TMEM132D: variants seen among roughly 807,000 people sequenced by gnomAD.
TMEM132D encodes the protein mature OL transmembrane protein.
Under a neutral mutation model 62.3 loss-of-function variants are expected in TMEM132D, and 21 were observed. That is an observed-to-expected ratio of 0.34 (90% CI 0.24 to 0.49). The LOEUF (loss-of-function observed/expected upper bound fraction) is 0.49. TMEM132D is among the 20% of genes least tolerant of loss of function. The probability of loss-of-function intolerance (pLI) is 0.99; values close to 1 mark genes in which losing one functional copy is unlikely to be tolerated. For synonymous variants in TMEM132D, 621 were observed against 575.6 expected, an observed-to-expected ratio of 1.08 and a Z score of -1.13; for missense variants, 1,346 against 1,402.8, an observed-to-expected ratio of 0.96 and a Z score of 0.65.
intron 1 of TMEM132D, among the ~76,000 whole-genome samples, chr12:129,848,402 C>T (rs913536894): frequency 8.5e-5 from 13 of 152,070 alleles, no homozygotes; most frequent in African/African-American, 1.7e-4. Context: ...AACTGTCTCC[C>T]GGTACCGGAA....
intron 3 of TMEM132D, among the ~76,000 whole-genome samples, chr12:129,399,893 G>A (rs1871567188): frequency 6.9e-6 from 1 of 144,720 alleles, no homozygotes; most frequent in African/African-American, 2.9e-5. Flanking sequence ...GTGTGTGTGT[G>A]TGGGGGGGTA....
In TMEM132D at chr12:129,213,261, G is replaced by C. The variant is rs531863518; in HGVS notation, c.1300-3598C>G. Among the ~76,000 whole-genome samples, 30 of 152,314 alleles carry C rather than the reference G, an allele frequency of 2.0e-4. No individual in the cohort carries two copies. In the South Asian group the frequency reaches 2.9e-3, roughly 15 times the overall value. ...CAATCCCAGCCCTTTGGGAGGCTGA[G>C]GCAGGTGGATCACTTGAACCCAGGA... is the stretch of plus-strand genomic sequence containing the variant. On this transcript the variant is annotated intron_variant, in intron 4 of 8. Transcript: ENST00000422113.
chr12:129,808,090 A>G (rs964955611), intron 1 of TMEM132D, among the ~76,000 whole-genome samples: 4 of 152,258 alleles, frequency 2.6e-5, no homozygotes, highest in African/African-American at 9.6e-5. Context: ...ACGGTGATTT[A>G]GATTCTAAGC....
At chr12:129,740,121 A>G (rs894845137) in intron 1 of TMEM132D, among the ~76,000 whole-genome samples, 1 of 152,076 alleles carries the variant, frequency 6.6e-6, no homozygotes, top group Non-Finnish European at 1.5e-5. Context: ...GGTAGTGACT[A>G]TTGACCACTC....
At chr12:129,734,909 C>T (rs7136543) in intron 1 of TMEM132D, among the ~76,000 whole-genome samples, 1 of 151,924 alleles carries the variant, frequency 6.6e-6, no homozygotes, top group South Asian at 2.1e-4. Context: ...AACAAAGGAA[C>T]TGGAACTATA....
intron 4 of TMEM132D, among the ~76,000 whole-genome samples, chr12:129,282,357 G>A (rs1466702170): frequency 6.6e-6 from 1 of 152,188 alleles, no homozygotes; most frequent in Non-Finnish European, 1.5e-5. Flanking sequence ...GAAGACAGCA[G>A]CTGAGCACAT....
Position 129,074,870 on chromosome 12 carries a change from C to G in TMEM132D, c.2305G>C (p.Val769Leu), listed in dbSNP as rs760598148. The G allele has an allele frequency of 6.2e-7, 1 of 1,614,046 alleles. No individual in the cohort carries two copies. Among genetic ancestry groups the G allele is most frequent in the Non-Finnish European group, 8.5e-7 (1 of 1,180,024 alleles). ...CAGGATTCACTAATAACCATTTCCA[C>G]CTTGACCAGGGTGCCTTGTCCTTCT... ...ETEGQGTLVK[V>L]EMVISESCQK... is the part of the protein sequence containing the mutation. The change falls in exon 9 of 9, where the codon GTG (valine) becomes CTG (leucine). Residue 769 changes from valine (V) to leucine (L), a missense_variant. Val to Leu is a conservative substitution (Grantham distance 32, BLOSUM62 1). Coordinates refer to ENST00000422113, the MANE Select transcript of TMEM132D (RefSeq NM_133448.3).
At chr12:129,353,114 C>T (rs1468467151) in intron 3 of TMEM132D, among the ~76,000 whole-genome samples, 3 of 151,312 alleles carry the variant, frequency 2.0e-5, no homozygotes, top group African/African-American at 7.3e-5. Flanking sequence ...TCCCTGCCTC[C>T]CTCCCTCCCT....
chr12:129,865,238 G>A (rs902223014), intron 1 of TMEM132D, among the ~76,000 whole-genome samples: 3 of 152,198 alleles, frequency 2.0e-5, no homozygotes, highest in African/African-American at 7.2e-5. Context: ...GCAGAAGCCT[G>A]CAGGACAGAG....
At chr12:129,409,465 A>G (rs3850008) in intron 3 of TMEM132D, among the ~76,000 whole-genome samples, 132,219 of 152,194 alleles carry the variant, frequency 0.87, 58,057 homozygotes, top group Non-Finnish European at 0.94. Context: ...ATGTGTAAAA[A>G]CTTTCTACGT....
chr12:129,142,943 T>C (rs1429387019), intron 5 of TMEM132D, among the ~76,000 whole-genome samples: 1 of 152,120 alleles, frequency 6.6e-6, no homozygotes, highest in Admixed American at 6.5e-5. Flanking sequence ...GTGGTCTACG[T>C]AGGAAAAAAA....
intron 4 of TMEM132D, among the ~76,000 whole-genome samples, chr12:129,245,057 G>T (rs1238187360): frequency 6.6e-6 from 1 of 152,100 alleles, no homozygotes; most frequent in Non-Finnish European, 1.5e-5. Context: ...AATCAATCCT[G>T]ATATATTACT....
intron 4 of TMEM132D, among the ~76,000 whole-genome samples, chr12:129,256,677 C>T (rs1880409045): frequency 6.6e-6 from 1 of 152,178 alleles, no homozygotes. Context: ...TTGCCTCAGC[C>T]TCCCAAAGTG....
chr12:129,181,508 G>C (rs1197429185), intron 5 of TMEM132D, among the ~76,000 whole-genome samples: 1 of 152,160 alleles, frequency 6.6e-6, no homozygotes, highest in Non-Finnish European at 1.5e-5. Context: ...GGCTCCCCCA[G>C]TCCTCCTAGG....
intron 2 of TMEM132D, among the ~76,000 whole-genome samples, chr12:129,607,795 C>T (rs2137148509): frequency 6.6e-6 from 1 of 152,298 alleles, no homozygotes. Flanking sequence ...AGATTTCATA[C>T]CAGCTTTCCC....
intron 5 of TMEM132D, among the ~76,000 whole-genome samples, chr12:129,162,004 T>C (rs533739082): frequency 2.0e-5 from 3 of 152,264 alleles, no homozygotes; most frequent in African/African-American, 7.2e-5. Context: ...TTGGGAAACA[T>C]GTGGTTCCTC....
At position 129,531,130 on chromosome 12, in the gene TMEM132D, G is replaced by A; in HGVS notation, c.1044C>T (p.Arg348=). 6.2e-7 allele frequency: 1 copy of A among 1,613,954 alleles called. No homozygotes were observed. The highest frequency in any genetic ancestry group is 2.2e-5 in the East Asian group (1 of 44,866). Reference sequence around the variant, plus strand: ...GTGCATACTTTCCAGTATAATCCGTGCGCTCCTTGACATCCCAAATGGAAG... The same window carrying A: ...GTGCATACTTTCCAGTATAATCCGTACGCTCCTTGACATCCCAAATGGAAG... ...SSPSIWDVKE[R]TDYTGKYAPA... Residue 348 remains arginine, a synonymous_variant, in exon 3 of 9, where the codon CGC becomes CGT. Coordinates refer to ENST00000422113, the MANE Select transcript of TMEM132D (RefSeq NM_133448.3).
chr12:129,368,850 C>T (rs111368490), intron 3 of TMEM132D, among the ~76,000 whole-genome samples: 48 of 152,024 alleles, frequency 3.2e-4, no homozygotes, highest in African/African-American at 9.6e-4. Flanking sequence ...ATCTACTTCA[C>T]GTAATTTTCA....
intron 1 of TMEM132D, among the ~76,000 whole-genome samples, chr12:129,803,034 T>C (rs1323346694): frequency 1.3e-5 from 2 of 151,066 alleles, no homozygotes; most frequent in Admixed American, 6.6e-5. Context: ...CCCAGATTCA[T>C]AGAGCAAGTC....
Sources: allele counts gnomAD v4.1 joint callset (sites outside exome capture counted in the v4.1 genomes callset), GRCh38; gene constraint gnomAD v4.1.1; transcripts MANE v1.5; gene names NCBI Gene and HGNC (gene_info 2026-07-23, HGNC 2026-07-21).